The following PRRX1 variants were observed in gnomAD, a reference collection of about 807,000 sequenced individuals.
PRRX1 encodes paired mesoderm homeobox protein 1.
In PRRX1, 8 loss-of-function variants were observed where a neutral mutation model predicts 24.0. That is an observed-to-expected ratio of 0.33 (90% CI 0.20 to 0.60). PRRX1 has a LOEUF of 0.60. Ranked by LOEUF, PRRX1 falls within the 20% of genes least tolerant of loss-of-function variation. The pLI is 0.82. For missense variants in PRRX1, 281 were observed against 322.4 expected (o/e 0.87, Z 0.98); for synonymous variants, 160 against 131.7 (o/e 1.22, Z -1.47).
chr1:170,697,135 C>A (rs1283495432), intron 1 of PRRX1, among the ~76,000 whole-genome samples: 1 of 152,040 alleles, frequency 6.6e-6, no homozygotes, highest in Non-Finnish European at 1.5e-5. Context: ...GGAATGTGAA[C>A]ATGCATGCAC....
chr1:170,724,282 C>A (rs1196298445), intron 2 of PRRX1, among the ~76,000 whole-genome samples: 1 of 152,036 alleles, frequency 6.6e-6, no homozygotes, highest in East Asian at 1.9e-4. Flanking sequence ...TGCAGAAGCT[C>A]TTTAATTAGA....
chr1:170,716,604 A>T (rs1654916647), intron 1 of PRRX1, among the ~76,000 whole-genome samples: 1 of 151,056 alleles, frequency 6.6e-6, no homozygotes, highest in Non-Finnish European at 1.5e-5. Context: ...AAAAAAATGT[A>T]TTCATGTTTC....
chr1:170,703,908 T>C (rs1468025541), intron 1 of PRRX1, among the ~76,000 whole-genome samples: 2 of 152,180 alleles, frequency 1.3e-5, no homozygotes, highest in Admixed American at 6.5e-5. Flanking sequence ...TATACAGCCA[T>C]GTCCTAAATT....
intron 1 of PRRX1, among the ~76,000 whole-genome samples, chr1:170,688,860 T>G (rs1381872530): frequency 2.0e-5 from 3 of 152,114 alleles, no homozygotes; most frequent in Non-Finnish European, 4.4e-5. Flanking sequence ...GTACTGAAAC[T>G]TATTTGATAA....
chr1:170,712,192 G>T (rs1654773348), intron 1 of PRRX1, among the ~76,000 whole-genome samples: 1 of 151,944 alleles, frequency 6.6e-6, no homozygotes. Context: ...TTGCTTTCTA[G>T]ATTTTTTTTC....
At chr1:170,730,560 TGCTGTGCACAGGAAACATCTGGGATC>T (rs1356634198) in intron 3 of PRRX1, 2 of 542,056 alleles carry the variant, frequency 3.7e-6, no homozygotes, top group Non-Finnish European at 6.6e-6. Flanking sequence ...CTTCAGAGAT[TGCTGTGCACAGGAAACATCTGGGATC>T]GCGTGACTGT....
intron 1 of PRRX1, among the ~76,000 whole-genome samples, chr1:170,686,217 G>T (rs1239845913): frequency 6.7e-6 from 1 of 148,200 alleles, no homozygotes; most frequent in Non-Finnish European, 1.5e-5. Flanking sequence ...TTACGTTTCA[G>T]ATATTTTTTA....
chr1:170,726,478 G>A, intron 3 of PRRX1, 77 bp downstream of exon 3: 1 of 1,506,312 alleles, frequency 6.6e-7, no homozygotes, highest in African/African-American at 1.4e-5. Context: ...AGCTGCTTGT[G>A]CAGCTCACCG....
chr1:170,688,184 C>G lies in PRRX1; in HGVS notation c.241+23725C>G, dbSNP rs546639472. Among the ~76,000 whole-genome samples the G allele has an allele frequency of 2.8e-4, 42 of 152,104 alleles. No individual in the cohort carries two copies. In the South Asian group the frequency reaches 8.3e-3, roughly 30 times the overall value. On this transcript the variant is annotated intron_variant, in intron 1 of 3. Transcript: ENST00000239461. ...TTGAGAGATGAAATAAATCCTGGAG[C>G]TCATTGTTGACTTTGGACCCAGAAA...
intron 1 of PRRX1, among the ~76,000 whole-genome samples, chr1:170,716,583 CA>C (rs1010022653): frequency 0.04 from 4,068 of 100,600 alleles, 77 homozygotes; most frequent in African/African-American, 0.086. Flanking sequence ...GACTCCATCT[CA>C]AAAAAAAAAA....
intron 1 of PRRX1, among the ~76,000 whole-genome samples, chr1:170,675,248 C>T (rs1449511496): frequency 6.6e-6 from 1 of 152,094 alleles, no homozygotes; most frequent in African/African-American, 2.4e-5. Context: ...GGAAACTTCC[C>T]TAGATATGAG....
At chr1:170,663,739 T>G, upstream of PRRX1, 2 of 154,548 alleles carry the variant, frequency 1.3e-5, no homozygotes, top group Non-Finnish European at 1.4e-5. Context: ...TTCACTTTGA[T>G]TCTTCTCTCC....
At chr1:170,693,379 G>C (rs1654058556) in intron 1 of PRRX1, among the ~76,000 whole-genome samples, 1 of 152,104 alleles carries the variant, frequency 6.6e-6, no homozygotes, top group African/African-American at 2.4e-5. Context: ...CTTAGGGTCA[G>C]TATGACCAAA....
At chr1:170,697,071 G>C (rs774434980) in intron 1 of PRRX1, among the ~76,000 whole-genome samples, 17 of 152,240 alleles carry the variant, frequency 1.1e-4, no homozygotes, top group South Asian at 2.1e-4. Flanking sequence ...GAGATTAGGG[G>C]CCTCATACAT....
At chr1:170,722,359 AT>A (rs1258604937) in intron 2 of PRRX1, among the ~76,000 whole-genome samples, 1 of 151,998 alleles carries the variant, frequency 6.6e-6, no homozygotes, top group Admixed American at 6.6e-5. Flanking sequence ...TGCAACATTT[AT>A]TTTTTTCTTC....
At chr1:170,665,505 CA>C (rs1428137133) in intron 1 of PRRX1, among the ~76,000 whole-genome samples, 1 of 152,226 alleles carries the variant, frequency 6.6e-6, no homozygotes, top group East Asian at 1.9e-4. Context: ...TGTAAGTTCT[CA>C]AATGAGGCTG....
Position 170,703,989 on chromosome 1 carries a change from C to G in PRRX1, c.242-15737C>G, listed in dbSNP as rs1654479676. On this transcript the variant is annotated intron_variant, in intron 1 of 3. Coordinates refer to ENST00000239461, the MANE Select transcript of PRRX1 (RefSeq NM_022716.4). ...ATGTGGCCTAGAGTACTGGGAAAAG[C>G]AAAGCAAAAATAAAAATTTTAATTA... 2.0e-5 allele frequency among the ~76,000 whole-genome samples: 3 copies of G among 152,094 alleles called. No homozygotes were observed. The South Asian group carries it at 6.2e-4, about 32-fold the overall frequency.
intron 3 of PRRX1, 128 bp from the exon 4 acceptor site, chr1:170,735,920 G>C (rs890751627): frequency 3.0e-5 from 38 of 1,263,564 alleles, no homozygotes; most frequent in Non-Finnish European, 4.4e-5. Flanking sequence ...GGACCCTAGA[G>C]GTCATCTAGT....
intron 1 of PRRX1, among the ~76,000 whole-genome samples, chr1:170,673,092 G>C (rs1558043641): frequency 6.6e-6 from 1 of 152,072 alleles, no homozygotes; most frequent in African/African-American, 2.4e-5. Flanking sequence ...TTTTATAATA[G>C]CTAAGTTAGA....
Sources: gnomAD v4.1 joint callset for allele counts (sites outside exome capture counted in the v4.1 genomes callset) on GRCh38, gnomAD v4.1.1 for gene constraint, MANE v1.5 for transcripts, NCBI Gene and HGNC (gene_info 2026-07-23, HGNC 2026-07-21) for gene names.